The following MROH2A variants were observed in gnomAD, a reference collection of about 807,000 sequenced individuals.
The protein encoded by MROH2A is maestro heat-like repeat-containing protein family member 2A.
A neutral mutation model predicts 200.4 loss-of-function variants in MROH2A; 174 were observed. That is an observed-to-expected ratio of 0.87 (90% CI 0.77 to 0.98). MROH2A has a LOEUF of 0.98. Ranked by LOEUF, MROH2A falls within the 50% of genes least tolerant of loss-of-function variation. The pLI is 0.00. For synonymous variants in MROH2A, 829 were observed against 840.4 expected (o/e 0.99, Z 0.23); for missense variants, 2,045 against 2,139.6 (o/e 0.96, Z 0.87).
In MROH2A at chr2:233,833,131, C is replaced by G. The variant is rs939894590; in HGVS notation, c.4904-7C>G. On this transcript the variant is annotated splice_polypyrimidine_tract_variant and splice_region_variant and intron_variant, in intron 41 of 41. Coordinates refer to ENST00000389758, the MANE Select transcript of MROH2A (RefSeq NM_001394639.1). ...CCTGAACCTTCCCTCTTTGTGTTCT[C>G]TCTCAGCCCTCCAGGAACTACAGCT... is the stretch of plus-strand genomic sequence containing the variant. 1.9e-6 allele frequency: 3 copies of G among 1,539,282 alleles called. No individual in the cohort carries two copies. In the Admixed American group the frequency reaches 6.2e-5, roughly 32 times the overall value.
chr2:233,800,351 C>A (rs761397396), intron 14 of MROH2A, 36 bp downstream of exon 14: 14 of 1,279,046 alleles, frequency 1.1e-5, no homozygotes, highest in Non-Finnish European at 1.4e-5. Context: ...CAGTGGGTCA[C>A]CACGCCAGGC....
At chr2:233,798,401 G>A (rs1702250525) in intron 11 of MROH2A, among the ~76,000 whole-genome samples, 1 of 152,190 alleles carries the variant, frequency 6.6e-6, no homozygotes, top group South Asian at 2.1e-4. Flanking sequence ...GGAAGGCCTG[G>A]TGTCAGGACC....
chr2:233,813,972 A>C (rs1472834689), intron 25 of MROH2A, among the ~76,000 whole-genome samples, 194 bp downstream of exon 25: 1 of 152,218 alleles, frequency 6.6e-6, no homozygotes, highest in Non-Finnish European at 1.5e-5. Context: ...GTGGATTAAC[A>C]ACATAAAAGT....
chr2:233,779,569 A>T, intron 2 of MROH2A, 102 bp from the exon 3 acceptor site: 1 of 1,413,226 alleles, frequency 7.1e-7, no homozygotes. Flanking sequence ...CATACCACAC[A>T]TGAAGCTGGA....
intron 34 of MROH2A, 65 bp from the exon 35 acceptor site, chr2:233,823,491 C>T (rs1178554306): frequency 2.0e-6 from 3 of 1,518,404 alleles, no homozygotes; most frequent in South Asian, 2.5e-5. Flanking sequence ...CCCTGCCCAG[C>T]TCTTGGCAAA....
chr2:233,830,970 G>A (rs1015899950), intron 38 of MROH2A, among the ~76,000 whole-genome samples: 6 of 152,206 alleles, frequency 3.9e-5, no homozygotes, highest in Non-Finnish European at 8.8e-5. Context: ...AAGGGCTACC[G>A]AGACAGAAGC....
intron 37 of MROH2A, 129 bp from the exon 38 acceptor site, chr2:233,829,491 C>A: frequency 2.2e-6 from 2 of 928,442 alleles, no homozygotes; most frequent in Non-Finnish European, 2.9e-6. Flanking sequence ...AAAGGAGAGA[C>A]TACACCCTGA....
intron 26 of MROH2A, among the ~76,000 whole-genome samples, chr2:233,815,820 A>G (rs973863965): frequency 2.0e-5 from 3 of 146,662 alleles, no homozygotes; most frequent in Non-Finnish European, 3.0e-5. Flanking sequence ...AATCAGGATC[A>G]GATAATGTAA....
chr2:233,803,575 C>A, intron 16 of MROH2A, 87 bp downstream of exon 16: 1 of 1,429,618 alleles, frequency 7.0e-7, no homozygotes, highest in Non-Finnish European at 9.6e-7. Context: ...CCCAGAGCCC[C>A]AGGGGTATGA....
At chr2:233,792,415 C>T (rs1052915021) in intron 5 of MROH2A, among the ~76,000 whole-genome samples, 1 of 152,006 alleles carries the variant, frequency 6.6e-6, no homozygotes, top group African/African-American at 2.4e-5. Context: ...CGGGTTCACG[C>T]CATTCTCCTG....
chr2:233,820,191 T>G lies in MROH2A; in HGVS notation c.3512+135T>G. ...ACCCTGAAGGAGGTCGAAGCCCTCTTCCTGTACCTCCTGCAGGAGGTGCCA... is the reference window on the plus strand; with the variant it reads ...ACCCTGAAGGAGGTCGAAGCCCTCTGCCTGTACCTCCTGCAGGAGGTGCCA... On this transcript the variant is annotated intron_variant, in intron 31 of 41. Transcript: ENST00000389758. This position sits in a 1 kb window ranked among gnomAD's most constrained non-coding sequence, Gnocchi z 4.1. 1 of 715,350 alleles carries G rather than the reference T, an allele frequency of 1.4e-6. No individual in the cohort carries two copies. The highest frequency in any genetic ancestry group is 2.1e-6 in the Non-Finnish European group (1 of 481,014). 44.3% of individuals were successfully genotyped at this position (715,350 alleles called of 1,614,324 possible).
intron 5 of MROH2A, among the ~76,000 whole-genome samples, chr2:233,791,040 C>T (rs1701728854): frequency 6.6e-6 from 1 of 152,134 alleles, no homozygotes; most frequent in African/African-American, 2.4e-5. Flanking sequence ...ACGGAGAGAA[C>T]ATTGCAGAGG....
rs1702513733 is a variant in MROH2A, at chr2:233,802,154, C to T, written c.1561-14C>T. 3.9e-6 allele frequency: 6 copies of T among 1,545,878 alleles called. No individual in the cohort carries two copies. On this transcript the variant is annotated splice_polypyrimidine_tract_variant and intron_variant, in intron 14 of 41. Transcript: ENST00000389758. ...GCTAATTCTGAGCCCCTTTCTCTCC[C>T]ACCCCTACCCCAGGAGTTTTGGGTG...
intron 38 of MROH2A, 32 bp from the exon 39 acceptor site, chr2:233,831,377 G>A (rs559761160): frequency 9.2e-5 from 140 of 1,527,292 alleles, no homozygotes; most frequent in Non-Finnish European, 1.0e-4. Context: ...TGGCCTGGCT[G>A]ATGGCTCTGC....
At chr2:233,794,246 T>C (rs1701962033) in intron 7 of MROH2A, 117 bp from the exon 8 acceptor site, 1 of 757,970 alleles carries the variant, frequency 1.3e-6, no homozygotes, top group Non-Finnish European at 2.2e-6. Flanking sequence ...AAGACCTTGC[T>C]CTGCTTCTGA....
In MROH2A at chr2:233,809,233, C is replaced by A; in HGVS notation, c.2403C>A (p.Ser801Arg). ...AGTTGCTCCTCAACCTCGTGGACAGCCCCATCACCGCTAAGATCATTCACC... is the reference window on the plus strand; with the variant it reads ...AGTTGCTCCTCAACCTCGTGGACAGACCCATCACCGCTAAGATCATTCACC... Reference protein sequence around the residue: ...HPQLLLNLVDSPITAKIIHHY... With the variant: ...HPQLLLNLVDRPITAKIIHHY... Residue 801 changes from serine to arginine, a missense_variant, in exon 22 of 42, where the codon AGC becomes AGA. Coordinates refer to ENST00000389758, the MANE Select transcript of MROH2A (RefSeq NM_001394639.1). 1.3e-6 allele frequency: 2 copies of A among 1,550,556 alleles called. No homozygotes were observed. Among genetic ancestry groups the A allele is most frequent in the South Asian group, 2.4e-5 (2 of 84,064 alleles).
chr2:233,821,001 C>T (rs1370070962), intron 31 of MROH2A, among the ~76,000 whole-genome samples: 1 of 152,170 alleles, frequency 6.6e-6, no homozygotes, highest in Admixed American at 6.5e-5. Context: ...CTGGGTCAGG[C>T]TGGCGTACTT....
intron 30 of MROH2A, 142 bp downstream of exon 30, chr2:233,819,611 C>G: frequency 2.1e-6 from 2 of 967,452 alleles, no homozygotes; most frequent in Non-Finnish European, 3.0e-6. Flanking sequence ...GAGGAGGAAA[C>G]AGAGTTCTAG....
chr2:233,802,431 A>C, intron 15 of MROH2A, 116 bp downstream of exon 15: 1 of 1,200,908 alleles, frequency 8.3e-7, no homozygotes, highest in South Asian at 1.6e-5. Context: ...TCCTGGAAAC[A>C]TCCAAGTCCA....
Sources: allele counts gnomAD v4.1 joint callset (sites outside exome capture counted in the v4.1 genomes callset), GRCh38; gene constraint gnomAD v4.1.1; non-coding constraint Gnocchi (gnomAD v3.1); transcripts MANE v1.5; gene names NCBI Gene and HGNC (gene_info 2026-07-23, HGNC 2026-07-21).